The following CLASP1 variants were observed in gnomAD, a reference collection of about 807,000 sequenced individuals.
The protein encoded by CLASP1 is cytoplasmic linker associated protein 1.
In CLASP1, 38 loss-of-function variants were observed where a neutral mutation model predicts 192.3. The ratio of observed to expected loss-of-function variants is 0.20; its 90% CI spans 0.15 to 0.26. The LOEUF (loss-of-function observed/expected upper bound fraction) is 0.26, where lower values mean the gene tolerates loss of function less well. CLASP1 is among the 10% of genes least tolerant of loss of function. The pLI is 1.00. For missense variants in CLASP1, 1,433 were observed against 1,932.5 expected (o/e 0.74, Z 4.85); for synonymous variants, 691 against 712.8 (o/e 0.97, Z 0.49).
At chr2:121,644,373 G>T (rs939301668) in intron 1 of CLASP1, among the ~76,000 whole-genome samples, 2 of 151,936 alleles carry the variant, frequency 1.3e-5, no homozygotes, top group African/African-American at 4.8e-5. Context: ...ACAATGGCCG[G>T]GGGCAGTGGG....
At chr2:121,401,925 G>C in intron 26 of CLASP1, 55 bp from the exon 28 acceptor site, 3 of 646,758 alleles carry the variant, frequency 4.6e-6, no homozygotes, top group South Asian at 4.2e-5. Flanking sequence ...TTCCATGTTA[G>C]TTGGCAGTGA....
At position 121,427,435 on chromosome 2, in the gene CLASP1, A is replaced by ACAATATTAATTTCTCTCT; in HGVS notation, c.2018-6_2018-5insAGAGAGAAATTAATATTG. 6.2e-7 allele frequency: 1 copy of ACAATATTAATTTCTCTCT among 1,612,834 alleles called. No homozygotes were observed. Among genetic ancestry groups the ACAATATTAATTTCTCTCT allele is most frequent in the Non-Finnish European group, 8.5e-7 (1 of 1,179,548 alleles). On this transcript the variant is annotated splice_region_variant and splice_polypyrimidine_tract_variant and intron_variant, in intron 20 of 39. Coordinates refer to ENST00000263710, the Ensembl canonical transcript of CLASP1. ...CAGGATTAGCAGATCTGGATCCTTG[A>ACAATATTAATTTCTCTCT]TTATGAGAGCAGACCAAAGGACAGG...
At chr2:121,595,843 A>G (rs2063072323) in intron 2 of CLASP1, among the ~76,000 whole-genome samples, 1 of 152,248 alleles carries the variant, frequency 6.6e-6, no homozygotes, top group African/African-American at 2.4e-5. Flanking sequence ...ATTTGGTCCC[A>G]TAATATACAT....
Position 121,387,119 on chromosome 2 carries a change from T to C in CLASP1, c.3374+3A>G. 1 of 1,612,118 alleles carries C rather than the reference T, an allele frequency of 6.2e-7. No individual in the cohort carries two copies. The highest frequency in any genetic ancestry group is 8.5e-7 in the Non-Finnish European group (1 of 1,178,426). ...TCTGTGGAAAGTAAAGAAGTGACCT[T>C]ACCTTGGAGACAGACCCCCATGGGA... On this transcript the variant is annotated splice_donor_region_variant and intron_variant, in intron 32 of 39. Coordinates refer to ENST00000263710, the Ensembl canonical transcript of CLASP1.
chr2:121,497,326 G>A (rs951007049), intron 8 of CLASP1, among the ~76,000 whole-genome samples: 20 of 152,110 alleles, frequency 1.3e-4, no homozygotes, highest in African/African-American at 4.6e-4. Flanking sequence ...ACGCTTATAA[G>A]GAGTACAGAA....
chr2:121,597,679 C>T (rs1039778922), intron 2 of CLASP1, among the ~76,000 whole-genome samples: 5 of 152,150 alleles, frequency 3.3e-5, no homozygotes, highest in Non-Finnish European at 7.4e-5. Flanking sequence ...TTTGAAACTG[C>T]GGAGAAAGGC....
chr2:121,365,032 A>C (rs2067118719), intron 36 of CLASP1, 62 bp downstream of exon 37: 2 of 1,478,594 alleles, frequency 1.4e-6, no homozygotes, highest in African/African-American at 2.8e-5. Context: ...GCCCAATAAG[A>C]AAAGGACATC....
At chr2:121,600,159 A>C (rs564704856) in intron 2 of CLASP1, among the ~76,000 whole-genome samples, 2 of 152,288 alleles carry the variant, frequency 1.3e-5, no homozygotes, top group East Asian at 3.9e-4. Context: ...CTGGCTGAGG[A>C]GTCTAAGTTC....
At chr2:121,428,443 T>C (rs1227753259) in intron 20 of CLASP1, among the ~76,000 whole-genome samples, 3 of 152,230 alleles carry the variant, frequency 2.0e-5, no homozygotes, top group African/African-American at 7.2e-5. Flanking sequence ...GATTCTGAGA[T>C]TTGAACACTT....
chr2:121,486,788 T>C (rs1055028055), intron 8 of CLASP1, among the ~76,000 whole-genome samples: 2 of 152,226 alleles, frequency 1.3e-5, no homozygotes, highest in Non-Finnish European at 2.9e-5. Flanking sequence ...ATCTCTGCTT[T>C]AATGATCTCT....
chr2:121,534,161 C>G (rs959343066), intron 2 of CLASP1, among the ~76,000 whole-genome samples: 6 of 152,228 alleles, frequency 3.9e-5, no homozygotes, highest in African/African-American at 1.4e-4. Flanking sequence ...GCCATTTATA[C>G]ACTGGGAAAG....
intron 14 of CLASP1, among the ~76,000 whole-genome samples, chr2:121,453,680 A>C (rs1203042139): frequency 2.0e-5 from 3 of 152,188 alleles, no homozygotes; most frequent in Non-Finnish European, 2.9e-5. Context: ...CTCATCTTTC[A>C]AAATGTAGCT....
intron 9 of CLASP1, among the ~76,000 whole-genome samples, chr2:121,468,494 C>T (rs1032489790): frequency 6.6e-6 from 1 of 152,096 alleles, no homozygotes; most frequent in African/African-American, 2.4e-5. Context: ...CCTTCACTTC[C>T]CTTGTTAGCT....
chr2:121,371,191 C>T (rs2068603393), intron 34 of CLASP1, among the ~76,000 whole-genome samples: 1 of 151,504 alleles, frequency 6.6e-6, no homozygotes, highest in Admixed American at 6.6e-5. Flanking sequence ...ATTTTTTGGG[C>T]ACATATTAAG....
rs544366939 is a variant in CLASP1, at chr2:121,587,225, G to A, written c.195+18476C>T. Reference sequence around the variant, plus strand: ...CACTGCACTCCAGCCTGGGCAACGCGGCGAGACTCTGTTTCAAAAAAAGAA... The same window carrying A: ...CACTGCACTCCAGCCTGGGCAACGCAGCGAGACTCTGTTTCAAAAAAAGAA... On this transcript the variant is annotated intron_variant, in intron 2 of 39. Transcript: ENST00000263710. 7.3e-5 allele frequency among the ~76,000 whole-genome samples: 11 copies of A among 151,216 alleles called. No individual in the cohort carries two copies. The South Asian group carries it at 1.9e-3, about 26-fold the overall frequency.
At chr2:121,527,855 G>A (rs768325378) in exon 5 of CLASP1, 4 of 1,613,988 alleles carry the variant, frequency 2.5e-6, no homozygotes, top group South Asian at 1.1e-5. Flanking sequence ...GGAAATTCTT[G>A]TGTTTGAAGC....
At chr2:121,369,349 G>A (rs949328092) in intron 34 of CLASP1, among the ~76,000 whole-genome samples, 4 of 151,848 alleles carry the variant, frequency 2.6e-5, no homozygotes, top group Non-Finnish European at 5.9e-5. Context: ...AGACTAAAAA[G>A]GTATAAATCA....
At chr2:121,361,359 A>G (rs1006722659) in intron 37 of CLASP1, among the ~76,000 whole-genome samples, 3 of 152,198 alleles carry the variant, frequency 2.0e-5, no homozygotes, top group Non-Finnish European at 4.4e-5. Context: ...CATCATTTTA[A>G]TTTCATTTTT....
intron 30 of CLASP1, among the ~76,000 whole-genome samples, chr2:121,396,041 C>T (rs961693935): frequency 3.9e-5 from 6 of 152,186 alleles, no homozygotes; most frequent in Admixed American, 6.5e-5. Flanking sequence ...ATCGAAAAAA[C>T]AACAGAGTGT....
Sources: gnomAD v4.1 joint callset for allele counts (sites outside exome capture counted in the v4.1 genomes callset) on GRCh38, gnomAD v4.1.1 for gene constraint, MANE v1.5 for transcripts, NCBI Gene and HGNC (gene_info 2026-07-23, HGNC 2026-07-21) for gene names.